Variants in UNC5C observed in about 807,000 individuals in gnomAD.
The protein encoded by UNC5C is unc-5 netrin receptor C.
In UNC5C, 47 loss-of-function variants were observed where a neutral mutation model predicts 99.8. The observed-to-expected ratio is 0.47, with a 90% CI of 0.37 to 0.60. The LOEUF (loss-of-function observed/expected upper bound fraction) is 0.60, where lower values mean the gene tolerates loss of function less well. Ranked by LOEUF, UNC5C falls within the 20% of genes least tolerant of loss-of-function variation. The pLI, the probability that UNC5C is intolerant of heterozygous loss-of-function variation, is 0.00. For synonymous variants in UNC5C, 487 were observed against 452.2 expected (o/e 1.08, Z -0.98); for missense variants, 1,062 against 1,165.9 (o/e 0.91, Z 1.30).
At chr4:95,264,686 T>C (rs1245706428) in intron 4 of UNC5C, among the ~76,000 whole-genome samples, 2 of 152,172 alleles carry the variant, frequency 1.3e-5, no homozygotes, top group African/African-American at 2.4e-5. Context: ...ATGCACCTGC[T>C]CATTCACTCT....
chr4:95,529,357 T>TTA (rs770079064), intron 1 of UNC5C, among the ~76,000 whole-genome samples: 7 of 147,892 alleles, frequency 4.7e-5, no homozygotes, highest in Non-Finnish European at 7.4e-5. Context: ...TATATATATA[T>TTA]TATATATATA....
At chr4:95,244,841 T>C in intron 6 of UNC5C, 136 bp downstream of exon 6, 1 of 1,206,838 alleles carries the variant, frequency 8.3e-7, no homozygotes, top group African/African-American at 1.5e-5. Context: ...CCCAGCAATG[T>C]AAACAGTGAG....
chr4:95,206,262 G>A lies in UNC5C; in HGVS notation c.1902+366C>T, dbSNP rs555301019. 1.3e-3 allele frequency among the ~76,000 whole-genome samples: 201 copies of A among 151,808 alleles called. No individual in the cohort carries two copies. In the Middle Eastern group the frequency reaches 0.014, roughly 10 times the overall value. On this transcript the variant is annotated intron_variant, in intron 11 of 15. Transcript: ENST00000453304. ...GATCCGCCTGCATTGGCCTCCCAAA[G>A]TGCTGGGATTACAGGCATGAGCCAC...
chr4:95,233,749 A>C (rs1738997208), intron 7 of UNC5C, among the ~76,000 whole-genome samples: 1 of 152,196 alleles, frequency 6.6e-6, no homozygotes, highest in African/African-American at 2.4e-5. Context: ...CAGCCTGGCC[A>C]AATGGTGAAA....
chr4:95,178,461 C>CTTTTTGA (rs547468602), intron 14 of UNC5C, among the ~76,000 whole-genome samples: 2,004 of 25,792 alleles, frequency 0.078, 12 homozygotes, highest in Middle Eastern at 0.26. Context: ...TCTCACATTT[C>CTTTTTGA]TTTCTTTTTG....
intron 1 of UNC5C, among the ~76,000 whole-genome samples, chr4:95,443,563 G>A (rs1251681496): frequency 1.3e-5 from 2 of 152,130 alleles, no homozygotes; most frequent in African/African-American, 4.8e-5. Context: ...TAGGACCTTT[G>A]AGAATGTAAT....
rs1384013403 is a variant in UNC5C at position 95,449,065 on chromosome 4, GA to G, written c.124+99668del. Among the ~76,000 whole-genome samples the G allele has an allele frequency of 2.2e-4, 33 of 151,162 alleles. No homozygotes were observed. The East Asian group carries it at 4.3e-3, about 20-fold the overall frequency. The stretch of plus-strand genomic sequence containing the variant: ...GATTATGCAAACTTGCTCCTACTGG[GA>G]AAAAAAAAACAAATTATATCAACAA... On this transcript the variant is annotated intron_variant, in intron 1 of 15. Coordinates refer to ENST00000453304, the MANE Select transcript of UNC5C (RefSeq NM_003728.4).
intron 1 of UNC5C, among the ~76,000 whole-genome samples, chr4:95,490,841 T>C (rs1721462449): frequency 6.6e-6 from 1 of 151,768 alleles, no homozygotes. Flanking sequence ...TATCAAATAA[T>C]TTATCAAGTT....
rs144245817 is a variant in UNC5C at position 95,392,535 on chromosome 4, C to T, written c.125-56904G>A. Among the ~76,000 whole-genome samples, 12 of 151,874 alleles carry T rather than the reference C, an allele frequency of 7.9e-5. No homozygotes were observed. The East Asian group carries it at 9.7e-4, about 12-fold the overall frequency. ...GCAGCCTTGAACTTCTGGACTCAAG[C>T]GAAACTCCTGCCTCAGCCTCTCAAG... is the stretch of plus-strand genomic sequence containing the variant. On this transcript the variant is annotated intron_variant, in intron 1 of 15. Coordinates refer to ENST00000453304, the MANE Select transcript of UNC5C (RefSeq NM_003728.4).
Position 95,202,950 on chromosome 4 carries a change from G to T in UNC5C, c.1917C>A (p.Val639=), listed in dbSNP as rs372308726. 2 of 1,614,008 alleles carry T rather than the reference G, an allele frequency of 1.2e-6. No individual in the cohort carries two copies. Among genetic ancestry groups the T allele is most frequent in the South Asian group, 2.2e-5 (2 of 91,060 alleles). Residue 639 remains valine (V), a synonymous_variant, in exon 12 of 16, where the codon GTC becomes GTA. Transcript: ENST00000453304. ...AQGQWEDVVV[V]GEENFTTPCY... ...AGGGGGTGGTGAAGTTTTCCTCCCC[G>T]ACCACCACCACATCCTGGGGGACAA...
intron 1 of UNC5C, among the ~76,000 whole-genome samples, chr4:95,523,336 T>G (rs1005658100): frequency 6.6e-5 from 10 of 152,148 alleles, no homozygotes; most frequent in Non-Finnish European, 1.5e-4. Context: ...CTGGGGGATG[T>G]GTGCACTGGG....
At chr4:95,192,611 CCTT>C (rs1233547888) in intron 12 of UNC5C, among the ~76,000 whole-genome samples, 1 of 147,002 alleles carries the variant, frequency 6.8e-6, no homozygotes, top group Non-Finnish European at 1.5e-5. Context: ...TCCCTGCTCA[CCTT>C]CTCCCCTGCT....
rs189171339 is a variant in UNC5C at position 95,418,873 on chromosome 4, G to A, written c.125-83242C>T. 2.0e-4 allele frequency among the ~76,000 whole-genome samples: 31 copies of A among 152,120 alleles called. 1 individual carries two copies. The East Asian group carries it at 2.9e-3, about 14-fold the overall frequency. On this transcript the variant is annotated intron_variant, in intron 1 of 15. Transcript: ENST00000453304. ...ACATGTGCAGCCCAAAGTCTAGGAC[G>A]AACTCCATTCCTCCTCCTCTGTTCT...
At chr4:95,264,871 T>C (rs17023383) in intron 4 of UNC5C, among the ~76,000 whole-genome samples, 5,907 of 152,306 alleles carry the variant, frequency 0.039, 328 homozygotes, top group African/African-American at 0.13. Flanking sequence ...CACTTGATTA[T>C]CTGTTCTTTT....
chr4:95,401,999 T>C (rs527962840), intron 1 of UNC5C, among the ~76,000 whole-genome samples: 2 of 152,344 alleles, frequency 1.3e-5, no homozygotes, highest in Admixed American at 6.5e-5. Context: ...ACTAGAGAGA[T>C]TGGCAAAATG....
chr4:95,303,451 G>A (rs1042073031), intron 2 of UNC5C, among the ~76,000 whole-genome samples: 4 of 152,174 alleles, frequency 2.6e-5, no homozygotes, highest in Non-Finnish European at 5.9e-5. Context: ...CAAGGCAGGC[G>A]GATCACTTGA....
At chr4:95,254,183 T>A (rs1739862928) in intron 4 of UNC5C, among the ~76,000 whole-genome samples, 1 of 152,142 alleles carries the variant, frequency 6.6e-6, no homozygotes, top group Non-Finnish European at 1.5e-5. Context: ...TTTTTGTTTG[T>A]AGTTATTTAC....
chr4:95,316,011 G>A (rs1214213699), intron 2 of UNC5C, among the ~76,000 whole-genome samples: 2 of 152,074 alleles, frequency 1.3e-5, no homozygotes, highest in Non-Finnish European at 2.9e-5. Flanking sequence ...TCAGATTTCA[G>A]TTGCATATTC....
chr4:95,548,757 C>G lies in UNC5C; in HGVS notation c.101G>C (p.Ser34Thr). 1.2e-6 allele frequency: 2 copies of G among 1,613,098 alleles called. No individual in the cohort carries two copies. Among genetic ancestry groups the G allele is most frequent in the South Asian group, 2.2e-5 (2 of 91,040 alleles). The stretch of plus-strand genomic sequence containing the variant: ...ACCTTGGGCGGCGGAGCCAGTGCCG[C>G]TGGCGCTGAGCAGGGCCAGGGCAGG... ...VLPALALLSA[S>T]GTGSAAQDDD... The change falls in exon 1 of 16, where the codon AGC (serine) becomes ACC (threonine). Residue 34 changes from serine (S) to threonine (T), a missense_variant. By Grantham distance (58) the Ser-to-Thr change is moderately conservative. Transcript: ENST00000453304.
Sources: allele counts gnomAD v4.1 joint callset (sites outside exome capture counted in the v4.1 genomes callset), GRCh38; gene constraint gnomAD v4.1.1; transcripts MANE v1.5; gene names NCBI Gene and HGNC (gene_info 2026-07-23, HGNC 2026-07-21).